The following MYO1H variants were observed in gnomAD, a reference collection of about 807,000 sequenced individuals.
MYO1H encodes the protein unconventional myosin-Ih.
Under a neutral mutation model 149.3 loss-of-function variants are expected in MYO1H, and 118 were observed. The observed-to-expected ratio is 0.79, with a 90% CI of 0.68 to 0.92. MYO1H has a LOEUF of 0.92. MYO1H is among the 40% of genes least tolerant of loss of function. The probability of loss-of-function intolerance (pLI) is 0.00; values close to 1 mark genes in which losing one functional copy is unlikely to be tolerated. For missense variants in MYO1H, 1,212 were observed against 1,280.7 expected, an observed-to-expected ratio of 0.95 and a Z score of 0.82; for synonymous variants, 447 against 465.2, an observed-to-expected ratio of 0.96 and a Z score of 0.50.
intron 3 of MYO1H, among the ~76,000 whole-genome samples, chr12:109,394,515 T>A (rs1221540174): frequency 6.6e-6 from 1 of 152,198 alleles, no homozygotes; most frequent in African/African-American, 2.4e-5. Context: ...CCATATTTTC[T>A]GCTAAATAAT....
intron 15 of MYO1H, among the ~76,000 whole-genome samples, chr12:109,420,069 AT>A (rs1281496257): frequency 6.6e-6 from 1 of 151,870 alleles, no homozygotes; most frequent in Non-Finnish European, 1.5e-5. Flanking sequence ...GTCGTGGGGA[AT>A]TTTCTCATCT....
the MYO1H span, among the ~76,000 whole-genome samples, chr12:109,317,389 G>A: frequency 6.6e-6 from 1 of 152,152 alleles, no homozygotes; most frequent in Non-Finnish European, 1.5e-5. Context: ...TTAAATCAGA[G>A]AGTAACCATT....
intron 1 of MYO1H, among the ~76,000 whole-genome samples, chr12:109,361,777 C>G (rs1868756312): frequency 7.0e-6 from 1 of 143,226 alleles, no homozygotes; most frequent in East Asian, 2.1e-4. Flanking sequence ...CCACTGCACT[C>G]CAGCAGCCTG....
At chr12:109,341,495 C>T in the MYO1H span, among the ~76,000 whole-genome samples, 1 of 152,144 alleles carries the variant, frequency 6.6e-6, no homozygotes, top group East Asian at 1.9e-4. Context: ...TTTGCTATAG[C>T]AAGGGAGTCA....
intron 1 of MYO1H, among the ~76,000 whole-genome samples, chr12:109,358,021 CT>C (rs79270231): frequency 0.073 from 11,133 of 151,962 alleles, 466 homozygotes; most frequent in Middle Eastern, 0.11. Context: ...AGCAGCAAAA[CT>C]GTTCTTGCTT....
chr12:109,445,729 C>T, intron 31 of MYO1H, 117 bp downstream of exon 31: 1 of 1,403,294 alleles, frequency 7.1e-7, no homozygotes, highest in Non-Finnish European at 9.2e-7. Flanking sequence ...TAGTTCATTT[C>T]TGCCCTCTAT....
chr12:109,411,658 CAG>C (rs1444164200), intron 13 of MYO1H, among the ~76,000 whole-genome samples: 2 of 152,220 alleles, frequency 1.3e-5, no homozygotes, highest in East Asian at 3.9e-4. Flanking sequence ...GTCAGATGGT[CAG>C]AGTGTTGCCT....
chr12:109,314,213 C>CTTT, the MYO1H span, among the ~76,000 whole-genome samples: 1 of 132,124 alleles, frequency 7.6e-6, no homozygotes, highest in African/African-American at 2.8e-5. Context: ...TTTTCTTTGT[C>CTTT]TTTTTTTTTT....
At chr12:109,426,154 G>A (rs1255061413) in intron 18 of MYO1H, 103 bp downstream of exon 18, 6 of 767,766 alleles carry the variant, frequency 7.8e-6, no homozygotes, top group Middle Eastern at 2.4e-4. Context: ...AAGCTTGCTC[G>A]ATGTCCTCTG....
At chr12:109,332,665 A>G in the MYO1H span, among the ~76,000 whole-genome samples, 1 of 152,122 alleles carries the variant, frequency 6.6e-6, no homozygotes, top group Non-Finnish European at 1.5e-5. Context: ...GCAGCCTCAA[A>G]CTCCTGGGCT....
chr12:109,327,111 C>CTTTTCT, the MYO1H span, among the ~76,000 whole-genome samples: 7 of 131,662 alleles, frequency 5.3e-5, no homozygotes, highest in Non-Finnish European at 9.5e-5. Flanking sequence ...TTTAATTTTT[C>CTTTTCT]TTTTCTTTTT....
chr12:109,393,817 T>C (rs1171162547), intron 3 of MYO1H, among the ~76,000 whole-genome samples: 1 of 152,176 alleles, frequency 6.6e-6, no homozygotes, highest in Non-Finnish European at 1.5e-5. Context: ...AGAGGGTCTT[T>C]ATGGAATCTC....
At chr12:109,363,971 G>A (rs1868809874) in intron 1 of MYO1H, among the ~76,000 whole-genome samples, 1 of 151,938 alleles carries the variant, frequency 6.6e-6, no homozygotes, top group Non-Finnish European at 1.5e-5. Flanking sequence ...AGGCTGAGGT[G>A]GGTGGATCAC....
chr12:109,396,843 T>TGAGACGGAGTC (rs1869938579), intron 4 of MYO1H, among the ~76,000 whole-genome samples: 1 of 128,520 alleles, frequency 7.8e-6, no homozygotes, highest in African/African-American at 2.8e-5. Context: ...TTTTTTTTTT[T>TGAGACGGAGTC]TGAGACGGAG....
At chr12:109,369,552 ATC>A (rs928688612) in intron 1 of MYO1H, among the ~76,000 whole-genome samples, 14 of 152,150 alleles carry the variant, frequency 9.2e-5, no homozygotes, top group East Asian at 1.9e-4. Context: ...ATATTTAAAA[ATC>A]TCTCTCTCAC....
the MYO1H span, among the ~76,000 whole-genome samples, chr12:109,342,523 G>GT: frequency 7.0e-6 from 1 of 142,412 alleles, no homozygotes; most frequent in Non-Finnish European, 1.5e-5. Context: ...CAATTTCTGT[G>GT]TGAGCATCTT....
intron 1 of MYO1H, among the ~76,000 whole-genome samples, chr12:109,355,772 G>C (rs1167415320): frequency 6.6e-6 from 1 of 151,382 alleles, no homozygotes; most frequent in Admixed American, 6.6e-5. Flanking sequence ...TGTCACCCAG[G>C]CTGGAGTGCA....
At chr12:109,428,724 G>A (rs185275144) in intron 19 of MYO1H, among the ~76,000 whole-genome samples, 3 of 152,200 alleles carry the variant, frequency 2.0e-5, no homozygotes, top group African/African-American at 4.8e-5. Context: ...TTGCCCATCC[G>A]CTACTTATTC....
At chr12:109,353,901 C>T (rs1460548256) in intron 1 of MYO1H, among the ~76,000 whole-genome samples, 1 of 152,158 alleles carries the variant, frequency 6.6e-6, no homozygotes, top group Non-Finnish European at 1.5e-5. Flanking sequence ...AGGTGATCTG[C>T]CCGCCTCAGC....
Sources: gnomAD v4.1 joint callset for allele counts (sites outside exome capture counted in the v4.1 genomes callset) on GRCh38, gnomAD v4.1.1 for gene constraint, MANE v1.5 for transcripts, NCBI Gene and HGNC (gene_info 2026-07-23, HGNC 2026-07-21) for gene names.